The following SEPTIN11 variants were observed in gnomAD, a reference collection of about 807,000 sequenced individuals.
SEPTIN11 encodes the protein septin 11, also known as septin-11.
A neutral mutation model predicts 51.4 loss-of-function variants in SEPTIN11; 25 were observed. The observed-to-expected ratio is 0.49, with a 90% confidence interval of 0.35 to 0.68. The LOEUF (loss-of-function observed/expected upper bound fraction) is 0.68. SEPTIN11 is among the 30% of genes least tolerant of loss of function. The probability of loss-of-function intolerance (pLI) is 0.00; values close to 1 mark genes in which losing one functional copy is unlikely to be tolerated. For missense variants in SEPTIN11, 381 were observed against 520.8 expected (o/e 0.73, Z 2.61); for synonymous variants, 174 against 184.1 (o/e 0.95, Z 0.44).
intron 1 of SEPTIN11, among the ~76,000 whole-genome samples, chr4:76,975,125 A>G (rs9998270): frequency 0.53 from 79,003 of 148,628 alleles, 21,379 homozygotes; most frequent in Middle Eastern, 0.61. Flanking sequence ...AAAAAAAAAA[A>G]GAAGAAAAAA....
intron 1 of SEPTIN11, among the ~76,000 whole-genome samples, chr4:76,951,070 A>G (rs1721317778): frequency 6.6e-6 from 1 of 152,090 alleles, no homozygotes; most frequent in African/African-American, 2.4e-5. Context: ...GTAGTTACAG[A>G]CGAAAGACTT....
At chr4:77,028,451 C>T (rs1468547748) in intron 7 of SEPTIN11, among the ~76,000 whole-genome samples, 178 bp from the exon 8 acceptor site, 1 of 152,202 alleles carries the variant, frequency 6.6e-6, no homozygotes, top group Non-Finnish European at 1.5e-5. Context: ...TCTTGATGCA[C>T]TTGTCTTTCC....
chr4:77,015,351 G>C (rs572593430), intron 5 of SEPTIN11, among the ~76,000 whole-genome samples: 18 of 152,270 alleles, frequency 1.2e-4, no homozygotes, highest in African/African-American at 4.1e-4. Flanking sequence ...TACCAATCTT[G>C]GCAGAAATAC....
intron 1 of SEPTIN11, among the ~76,000 whole-genome samples, chr4:76,971,563 ATTAGAT>A (rs142726124): frequency 0.11 from 17,013 of 151,720 alleles, 1,675 homozygotes; most frequent in African/African-American, 0.26. Context: ...TTAGCTTAAG[ATTAGAT>A]TTAGATTTAG....
At chr4:76,958,187 G>A (rs769915888) in intron 1 of SEPTIN11, among the ~76,000 whole-genome samples, 1 of 152,206 alleles carries the variant, frequency 6.6e-6, no homozygotes, top group Non-Finnish European at 1.5e-5. Flanking sequence ...GGTAGGTGTA[G>A]ACCTCGCAAG....
chr4:76,954,987 T>G, intron 1 of SEPTIN11, among the ~76,000 whole-genome samples: 1 of 152,328 alleles, frequency 6.6e-6, no homozygotes, highest in Middle Eastern at 3.4e-3. Context: ...TTATTTATTT[T>G]TTTTTGCATT....
chr4:76,951,313 C>G lies in SEPTIN11; in HGVS notation c.27+1383C>G, dbSNP rs185218573. On this transcript the variant is annotated intron_variant, in intron 1 of 9. Transcript: ENST00000264893. ...CAGTCAGAAAACACAGCGGTCATAT[C>G]GAATCATGACTGTCTTTTAGGCCTT... Among the ~76,000 whole-genome samples the G allele has an allele frequency of 1.9e-3, 290 of 152,300 alleles. 2 individuals are homozygous for G. Among genetic ancestry groups the G allele is most frequent in the African/African-American group, 6.4e-3 (265 of 41,558 alleles).
intron 1 of SEPTIN11, among the ~76,000 whole-genome samples, chr4:76,989,720 C>CTA (rs1354331468): frequency 6.6e-6 from 1 of 152,164 alleles, no homozygotes. Context: ...TGTACCATTT[C>CTA]TATGTTTAGA....
At chr4:77,027,548 A>G (rs969836516) in intron 7 of SEPTIN11, among the ~76,000 whole-genome samples, 1 of 152,210 alleles carries the variant, frequency 6.6e-6, no homozygotes, top group African/African-American at 2.4e-5. Flanking sequence ...AAATGGACAG[A>G]TGTAAATGAT....
intron 1 of SEPTIN11, among the ~76,000 whole-genome samples, chr4:76,963,304 G>A (rs1488576390): frequency 3.3e-5 from 5 of 152,172 alleles, no homozygotes; most frequent in South Asian, 2.1e-4. Context: ...GCAATTCCAC[G>A]TATTTTTCCT....
intron 1 of SEPTIN11, among the ~76,000 whole-genome samples, chr4:76,957,103 C>T (rs1721597389): frequency 6.6e-6 from 1 of 151,888 alleles, no homozygotes; most frequent in African/African-American, 2.4e-5. Context: ...CTTCCAGGGA[C>T]ATCACCATCA....
chr4:77,013,014 T>A (rs1431219968), intron 4 of SEPTIN11, among the ~76,000 whole-genome samples: 1 of 152,220 alleles, frequency 6.6e-6, no homozygotes. Context: ...TGAGGGCCGC[T>A]TCCGGGTCTG....
In SEPTIN11 at chr4:77,011,644, C is replaced by T. The variant is rs1427775353; in HGVS notation, c.339-91C>T. The T allele has an allele frequency of 2.4e-5, 30 of 1,267,060 alleles. No homozygotes were observed. The Admixed American group carries it at 2.7e-4, about 11-fold the overall frequency. 78.5% of individuals were successfully genotyped at this position (1,267,060 alleles called of 1,614,324 possible). A position where few individuals can be genotyped will look rare whatever the true frequency, so the allele number is the denominator to read the frequency against. ...CTAGGTAAGGACTTGGGCTTTAGCC[C>T]TTAGGAGAGAAGAAGCCATTGTGAT... On this transcript the variant is annotated intron_variant, in intron 3 of 9. Coordinates refer to ENST00000264893, the MANE Select transcript of SEPTIN11 (RefSeq NM_018243.4).
At chr4:76,996,378 G>C in intron 1 of SEPTIN11, 47 bp from the exon 2 acceptor site, 2 of 1,254,080 alleles carry the variant, frequency 1.6e-6, no homozygotes, top group African/African-American at 1.5e-5. Flanking sequence ...TGATATCCAG[G>C]TGGCATGGTT....
chr4:77,020,479 G>A lies in SEPTIN11; in HGVS notation c.785-23G>A, dbSNP rs777603132. The A allele has an allele frequency of 5.0e-6, 8 of 1,610,814 alleles. No individual in the cohort carries two copies. The East Asian group carries it at 6.7e-5, about 13-fold the overall frequency. On this transcript the variant is annotated intron_variant, in intron 6 of 9. Coordinates refer to ENST00000264893, the MANE Select transcript of SEPTIN11 (RefSeq NM_018243.4). ...TGACATCATTGCTAATCCCACTTCC[G>A]CCATTTCCCCCCTCTCTTGTAGTTG...
Position 77,037,084 on chromosome 4 carries a change from A to C in SEPTIN11, c.*2572A>C. 2 of 1,102,088 alleles carry C rather than the reference A, an allele frequency of 1.8e-6. No homozygotes were observed. The highest frequency in any genetic ancestry group is 2.2e-6 in the Non-Finnish European group (2 of 906,554). The allele number at this position is 1,102,088 out of a possible 1,614,324, so 68.3% of individuals were successfully genotyped here. On this transcript the variant is annotated 3_prime_UTR_variant, in exon 10 of 10. Coordinates refer to ENST00000264893, the MANE Select transcript of SEPTIN11 (RefSeq NM_018243.4). ...AAATCCGAAATTACTAATCCAGGCC[A>C]GGTGTGGTGGCTCATGCCTGTAATC...
In SEPTIN11 at chr4:77,034,713, T is replaced by A. The variant is rs1726913647; in HGVS notation, c.*201T>A. 7.7e-7 allele frequency: 1 copy of A among 1,298,034 alleles called. No individual in the cohort carries two copies. The highest frequency in any genetic ancestry group is 1.5e-5 in the African/African-American group (1 of 64,582). 80.4% of individuals were successfully genotyped at this position (1,298,034 alleles called of 1,614,324 possible). On this transcript the variant is annotated 3_prime_UTR_variant, in exon 10 of 10. Transcript: ENST00000264893. ...AGAACAAGGGAATAACCGCGAATGCTCTGTGCAGCTGGACTCTGTTTCCGG... is the reference window on the plus strand; with the variant it reads ...AGAACAAGGGAATAACCGCGAATGCACTGTGCAGCTGGACTCTGTTTCCGG...
chr4:77,016,615 C>CACACATATATATATACACACAT (rs1553975015), intron 5 of SEPTIN11, among the ~76,000 whole-genome samples: 1 of 79,192 alleles, frequency 1.3e-5, no homozygotes, highest in African/African-American at 4.7e-5. Flanking sequence ...TATATATACA[C>CACACATATATATATACACACAT]ATATATATAT....
intron 7 of SEPTIN11, among the ~76,000 whole-genome samples, chr4:77,022,654 A>G (rs1725799123): frequency 6.6e-6 from 1 of 152,192 alleles, no homozygotes; most frequent in South Asian, 2.1e-4. Flanking sequence ...AGACGAGATC[A>G]TAACTTGGAG....
Sources: allele counts gnomAD v4.1 joint callset (sites outside exome capture counted in the v4.1 genomes callset), GRCh38; gene constraint gnomAD v4.1.1; transcripts MANE v1.5; gene names NCBI Gene and HGNC (gene_info 2026-07-23, HGNC 2026-07-21).